The following CDHR2 variants were observed in gnomAD, a reference collection of about 807,000 sequenced individuals.
CDHR2 encodes cadherin related family member 2, also known as cadherin-related family member 2.
CDHR2 carries 104 observed loss-of-function variants against 138.6 expected under a neutral mutation model. The observed-to-expected ratio is 0.75, with a 90% CI of 0.64 to 0.88. CDHR2 has a LOEUF of 0.88. Ranked by LOEUF, CDHR2 falls within the 40% of genes least tolerant of loss-of-function variation. The pLI is 0.00. For missense variants in CDHR2, 1,624 were observed against 1,727.6 expected (o/e 0.94, Z 1.06); for synonymous variants, 755 against 742.8 (o/e 1.02, Z -0.27).
chr5:176,591,541 G>T, intron 30 of CDHR2, 57 bp downstream of exon 30: 1 of 1,250,102 alleles, frequency 8.0e-7, no homozygotes, highest in Non-Finnish European at 1.2e-6. Flanking sequence ...GGTAGTGACG[G>T]TGGTGGTGGT....
chr5:176,544,437 T>TTCTTTCTTTCTCTCTTTC (rs1554140324), upstream of CDHR2, among the ~76,000 whole-genome samples: 6 of 2,922 alleles, frequency 2.1e-3, no homozygotes, highest in Non-Finnish European at 8.5e-3. Context: ...TTTTCTTTCT[T>TTCTTTCTTTCTCTCTTTC]TCTTTCTCTC....
chr5:176,585,144 GGAAAGTCCC>G, intron 19 of CDHR2, 129 bp downstream of exon 19: 1 of 1,172,438 alleles, frequency 8.5e-7, no homozygotes, highest in South Asian at 1.6e-5. Context: ...GCAAATACTG[GGAAAGTCCC>G]AAACCCTCTC....
chr5:176,561,709 G>A (rs571289176), intron 1 of CDHR2, among the ~76,000 whole-genome samples: 2,199 of 148,056 alleles, frequency 0.015, 72 homozygotes, highest in African/African-American at 0.052. Context: ...GCATGATCTC[G>A]ACTCATTGCA....
chr5:176,576,066 C>T lies in CDHR2; in HGVS notation c.1075C>T (p.Pro359Ser). 6.2e-7 allele frequency: 1 copy of T among 1,613,930 alleles called. No individual in the cohort carries two copies. Among genetic ancestry groups the T allele is most frequent in the African/African-American group, 1.3e-5 (1 of 75,000 alleles). The change falls in exon 12 of 32, where the codon CCA becomes TCA. Residue 359 changes from proline (P) to serine (S), a missense_variant. By Grantham distance (74) the Pro-to-Ser change is moderately conservative. This residue lies in a region of CDHR2 where 1,061 missense variants were observed against 1,136.6 expected (regional missense o/e 0.93). Coordinates refer to ENST00000261944, the MANE Select transcript of CDHR2 (RefSeq NM_017675.6). This position sits in a 1 kb window ranked among gnomAD's most constrained non-coding sequence, Gnocchi z 4.5. ...ACCTGAGTTTTACAACTGCAGCCTC[C>T]CAGCCTGCACCTTCACCCCCGAAGA... ...HKPEFYNCSLPACTFTPEEAQ... is the reference protein window; with the variant it reads ...HKPEFYNCSLSACTFTPEEAQ...
At chr5:176,583,635 A>C (rs1261362103) in intron 17 of CDHR2, among the ~76,000 whole-genome samples, 1 of 152,190 alleles carries the variant, frequency 6.6e-6, no homozygotes, top group African/African-American at 2.4e-5. Flanking sequence ...GTGAGAGCCA[A>C]AAACAGCTGG....
At chr5:176,569,745 G>A (rs2113286213) in intron 5 of CDHR2, among the ~76,000 whole-genome samples, 1 of 152,200 alleles carries the variant, frequency 6.6e-6, no homozygotes, top group South Asian at 2.1e-4. Flanking sequence ...GATCACCTGA[G>A]GTCAGGGGTT....
chr5:176,576,138 C>A lies in CDHR2; in HGVS notation c.1147C>A (p.Arg383Ser). ...TGYVDEHASP[R>S]IPIDDLTMVV... Reference sequence around the variant, plus strand: ...CTACGTGGACGAGCATGCCTCCCCCCGCATCCCCATCGATGACCTCACCAT... The same window carrying A: ...CTACGTGGACGAGCATGCCTCCCCCAGCATCCCCATCGATGACCTCACCAT... Residue 383 changes from arginine to serine, a missense_variant, in exon 12 of 32, where the codon CGC (arginine) becomes AGC (serine). Physicochemically the swap from Arg to Ser is moderately radical, Grantham distance 110. This residue lies in a region of CDHR2 where 1,061 missense variants were observed against 1,136.6 expected (regional missense o/e 0.93). Coordinates refer to ENST00000261944, the MANE Select transcript of CDHR2 (RefSeq NM_017675.6). This position sits in a 1 kb window ranked among gnomAD's most constrained non-coding sequence, Gnocchi z 4.5. 6.2e-7 allele frequency: 1 copy of A among 1,614,014 alleles called. No homozygotes were observed. The highest frequency in any genetic ancestry group is 8.5e-7 in the Non-Finnish European group (1 of 1,180,034).
intron 1 of CDHR2, among the ~76,000 whole-genome samples, chr5:176,562,377 T>A (rs1002010056): frequency 6.6e-6 from 1 of 151,196 alleles, no homozygotes; most frequent in Non-Finnish European, 1.5e-5. Flanking sequence ...GACGTGGGCG[T>A]TCAGGAGAAG....
chr5:176,576,422 G>A lies in CDHR2; in HGVS notation c.1194+237G>A, dbSNP rs73806012. 0.052 allele frequency among the ~76,000 whole-genome samples: 7,940 copies of A among 152,158 alleles called. 201 individuals are homozygous for A. Among genetic ancestry groups the A allele is most frequent in the Middle Eastern group, 0.078 (23 of 294 alleles). On this transcript the variant is annotated intron_variant, in intron 12 of 31. Transcript: ENST00000261944. The surrounding 1 kb of genome is among the most constrained non-coding windows in gnomAD (Gnocchi z 4.5). ...TGCTGAGTGGAGGCTGACGTAGAAC[G>A]TCAGATGATGCTGAGTAGAACATCA...
At chr5:176,577,842 G>GA in intron 14 of CDHR2, 44 bp downstream of exon 14, 1 of 1,594,470 alleles carries the variant, frequency 6.3e-7, no homozygotes, top group Non-Finnish European at 8.5e-7. Context: ...CCCAGCAAGC[G>GA]GGCGTGCATG....
rs1758766231 is a variant in CDHR2, at chr5:176,589,096, C to T, written c.2922C>T (p.Ile974=). The part of the protein sequence containing the change: ...ILFSILRVDF[I]SKDGATIPFQ... ...TCTCCATCCTCCGAGTAGACTTCATCTCTAAGGACGGGGCCACCATCCCTT... is the reference window on the plus strand; with the variant it reads ...TCTCCATCCTCCGAGTAGACTTCATTTCTAAGGACGGGGCCACCATCCCTT... The change falls in exon 22 of 32, where the codon ATC becomes ATT. Residue 974 remains isoleucine (I), a synonymous_variant. Transcript: ENST00000261944. 2 of 1,614,154 alleles carry T rather than the reference C, an allele frequency of 1.2e-6. No homozygotes were observed. The highest frequency in any genetic ancestry group is 2.2e-5 in the East Asian group (1 of 44,872).
chr5:176,553,013 G>T lies in CDHR2; in HGVS notation c.-16+3599G>T, dbSNP rs1364404267. 2.6e-5 allele frequency among the ~76,000 whole-genome samples: 4 copies of T among 152,228 alleles called. No individual in the cohort carries two copies. The highest frequency in any genetic ancestry group is 9.7e-5 in the African/African-American group (4 of 41,448). ...TGTTGCTCTGAGTGAGGGTCCCCAG[G>T]CTTCTTGAGGCCCTCCATCCTGCCC... On this transcript the variant is annotated intron_variant, in intron 1 of 31. Coordinates refer to ENST00000261944, the MANE Select transcript of CDHR2 (RefSeq NM_017675.6). This position sits in a 1 kb window ranked among gnomAD's most constrained non-coding sequence, Gnocchi z 4.3.
At chr5:176,595,136 T>C (rs898287104) in intron 31 of CDHR2, among the ~76,000 whole-genome samples, 3 of 152,144 alleles carry the variant, frequency 2.0e-5, no homozygotes, top group Non-Finnish European at 2.9e-5. Context: ...AGGGTTTCAG[T>C]GGGTAGTTGA....
chr5:176,593,286 G>A (rs1371792367), intron 31 of CDHR2, among the ~76,000 whole-genome samples: 3 of 152,220 alleles, frequency 2.0e-5, no homozygotes, highest in South Asian at 2.1e-4. Context: ...CTGGCCTGCT[G>A]CGTAAAAGCA....
Position 176,576,125 on chromosome 5 carries a change from G to A in CDHR2, c.1134G>A (p.Glu378=). 6.2e-7 allele frequency: 1 copy of A among 1,614,080 alleles called. No individual in the cohort carries two copies. The highest frequency in any genetic ancestry group is 8.5e-7 in the Non-Finnish European group (1 of 1,180,042). ...TGAACTTCACTGGCTACGTGGACGA[G>A]CATGCCTCCCCCCGCATCCCCATCG... ...AQVNFTGYVD[E]HASPRIPIDD... Residue 378 remains glutamate (E), a synonymous_variant, in exon 12 of 32, where the codon GAG becomes GAA. Transcript: ENST00000261944. The surrounding 1 kb of genome is among the most constrained non-coding windows in gnomAD (Gnocchi z 4.5).
At chr5:176,581,803 G>A (rs2113311244) in intron 17 of CDHR2, among the ~76,000 whole-genome samples, 1 of 152,308 alleles carries the variant, frequency 6.6e-6, no homozygotes, top group Non-Finnish European at 1.5e-5. Flanking sequence ...GTTAATGAAT[G>A]GAAAGTGCTT....
intron 16 of CDHR2, 64 bp from the exon 17 acceptor site, chr5:176,581,279 C>G: frequency 6.3e-7 from 1 of 1,594,602 alleles, no homozygotes; most frequent in Non-Finnish European, 8.5e-7. Context: ...GGTCCGGCTG[C>G]ATCGGAGGGG....
chr5:176,567,602 C>T (rs1581136486), intron 3 of CDHR2, among the ~76,000 whole-genome samples: 1 of 152,326 alleles, frequency 6.6e-6, no homozygotes, highest in East Asian at 1.9e-4. Flanking sequence ...AGCAATTCTC[C>T]TGCCTCAGCC....
At chr5:176,592,497 G>T (rs1462804924) in intron 30 of CDHR2, among the ~76,000 whole-genome samples, 1 of 147,068 alleles carries the variant, frequency 6.8e-6, no homozygotes, top group South Asian at 2.2e-4. Flanking sequence ...GATGGTGGTG[G>T]TGATAGTGAT....
Sources: allele counts gnomAD v4.1 joint callset (sites outside exome capture counted in the v4.1 genomes callset), GRCh38; gene constraint gnomAD v4.1.1; regional missense constraint gnomAD v4.1.1; non-coding constraint Gnocchi (gnomAD v3.1); transcripts MANE v1.5; gene names NCBI Gene and HGNC (gene_info 2026-07-23, HGNC 2026-07-21).